The following SGSM1 variants were observed in gnomAD, a reference collection of about 807,000 sequenced individuals.
SGSM1 encodes the protein RUN and TBC1 domain containing 2.
A neutral mutation model predicts 133.8 loss-of-function variants in SGSM1; 73 were observed. The observed-to-expected ratio is 0.55, with a 90% confidence interval of 0.45 to 0.66. The LOEUF (loss-of-function observed/expected upper bound fraction) is 0.66, where lower values mean the gene tolerates loss of function less well. Among genes scored for constraint, SGSM1 ranks in the 30% least tolerant of loss-of-function variants. The pLI is 0.00. For synonymous variants in SGSM1, 563 were observed against 573.0 expected (o/e 0.98, Z 0.25); for missense variants, 1,213 against 1,448.1 (o/e 0.84, Z 2.64).
intron 15 of SGSM1, among the ~76,000 whole-genome samples, chr22:24,885,054 A>G (rs541939319): frequency 6.6e-6 from 1 of 152,166 alleles, no homozygotes; most frequent in Admixed American, 6.6e-5. Flanking sequence ...GGTTCAAGCA[A>G]TTCTCCTGCC....
chr22:24,883,956 A>G, intron 14 of SGSM1, 97 bp from the exon 15 acceptor site: 1 of 1,406,958 alleles, frequency 7.1e-7, no homozygotes, highest in Non-Finnish European at 9.3e-7. Flanking sequence ...AAAAATTTTA[A>G]AAAATTTGAG....
intron 19 of SGSM1, among the ~76,000 whole-genome samples, chr22:24,901,610 T>C (rs371418425): frequency 8.5e-5 from 13 of 152,232 alleles, no homozygotes; most frequent in African/African-American, 2.9e-4. Context: ...CTTCCAGCTA[T>C]AGTTGTAACT....
At chr22:24,893,988 G>T (rs1932861421) in intron 17 of SGSM1, among the ~76,000 whole-genome samples, 1 of 152,208 alleles carries the variant, frequency 6.6e-6, no homozygotes, top group African/African-American at 2.4e-5. Flanking sequence ...TCTACTATGT[G>T]CAGGTACTAT....
intron 2 of SGSM1, among the ~76,000 whole-genome samples, chr22:24,817,049 C>T (rs531306748): frequency 9.9e-5 from 15 of 152,154 alleles, no homozygotes; most frequent in East Asian, 7.7e-4. Flanking sequence ...AGTAAGGAAA[C>T]GGACACCAGA....
At position 24,926,857 on chromosome 22, in the gene SGSM1, TTTG is replaced by T. The variant is rs1934225718; in HGVS notation, c.*2585_*2587del. ...AGAGAAATATGTGAATCTGTTTTTT[TTTG>T]TCTTTTTTTTTTTAATTTGAAAGAA... On this transcript the variant is annotated 3_prime_UTR_variant, in exon 25 of 25. Transcript: ENST00000400358. 6.6e-6 allele frequency: 1 copy of T among 152,048 alleles called. No homozygotes were observed. The allele number at this position is 152,048 out of a possible 1,614,324, so 9.4% of individuals were successfully genotyped here. A position where few individuals can be genotyped will look rare whatever the true frequency, so the allele number is the denominator to read the frequency against.
intron 19 of SGSM1, among the ~76,000 whole-genome samples, chr22:24,899,720 A>G (rs1933060883): frequency 6.6e-6 from 1 of 151,482 alleles, no homozygotes; most frequent in African/African-American, 2.4e-5. Context: ...ATAGGGTTTC[A>G]CCGGGTTGGC....
At chr22:24,901,057 CT>C (rs992048816) in intron 19 of SGSM1, 5 of 152,202 alleles carry the variant, frequency 3.3e-5, no homozygotes, top group Non-Finnish European at 5.9e-5. Flanking sequence ...ACAAACCTGA[CT>C]TGTGGCTCTT....
intron 13 of SGSM1, 47 bp from the exon 14 acceptor site, chr22:24,879,415 C>T (rs756441536): frequency 2.1e-5 from 33 of 1,592,144 alleles, no homozygotes; most frequent in Non-Finnish European, 2.8e-5. Flanking sequence ...AAAATCTGGG[C>T]TGTGTTTGGA....
rs545498345 is a variant in SGSM1 at position 24,905,894 on chromosome 22, A to G, written c.2818+707A>G. On this transcript the variant is annotated intron_variant, in intron 21 of 24. Transcript: ENST00000400358. Reference sequence around the variant, plus strand: ...GGAATGCTTCTTAACTCATTCAATAAAGCCAGACCTCATATGAGGACTGGG... The same window carrying G: ...GGAATGCTTCTTAACTCATTCAATAGAGCCAGACCTCATATGAGGACTGGG... Among the ~76,000 whole-genome samples, 6 of 152,266 alleles carry G rather than the reference A, an allele frequency of 3.9e-5. No homozygotes were observed. In the East Asian group the frequency reaches 1.2e-3, roughly 29 times the overall value.
chr22:24,850,256 T>C (rs1569146845), intron 4 of SGSM1, 24 bp from the exon 5 acceptor site: 2 of 1,559,914 alleles, frequency 1.3e-6, no homozygotes, highest in Admixed American at 3.9e-5. Flanking sequence ...GAGTATCTAT[T>C]CCCGTCTTTT....
intron 3 of SGSM1, among the ~76,000 whole-genome samples, chr22:24,846,103 A>T (rs1240014566): frequency 6.7e-6 from 1 of 148,466 alleles, no homozygotes; most frequent in Admixed American, 6.8e-5. Context: ...CAGTGGCACA[A>T]TCACAGCTCA....
chr22:24,876,695 C>T lies in SGSM1; in HGVS notation c.1410C>T (p.Thr470=). 2 of 1,613,954 alleles carry T rather than the reference C, an allele frequency of 1.2e-6. No homozygotes were observed. The highest frequency in any genetic ancestry group is 1.1e-5 in the South Asian group (1 of 91,072). ...GTGGCTCGGCTGATGGTAGCTCGAC[C>T]AATGGCTGCAACCATGAGAGGTATG... is the stretch of plus-strand genomic sequence containing the variant. ...SQSGSADGSS[T]NGCNHERAPL... Residue 470 remains threonine, a synonymous_variant, in exon 13 of 25, where the codon ACC becomes ACT. Coordinates refer to ENST00000400358, the MANE Select transcript of SGSM1 (RefSeq NM_001098497.3).
rs114506467 is a variant in SGSM1, at chr22:24,829,318, G to A, written c.64-15579G>A. Among the ~76,000 whole-genome samples the A allele has an allele frequency of 3.1e-3, 467 of 152,198 alleles. 3 individuals are homozygous for A. The highest frequency in any genetic ancestry group is 0.011 in the African/African-American group (447 of 41,518). Reference sequence around the variant, plus strand: ...ATACCACATGTTTTCACTTATAAATGAGAGCTAAATGATGAGAACGTATGG... The same window carrying A: ...ATACCACATGTTTTCACTTATAAATAAGAGCTAAATGATGAGAACGTATGG... On this transcript the variant is annotated intron_variant, in intron 2 of 24. Transcript: ENST00000400358.
Position 24,844,576 on chromosome 22 carries a change from A to G in SGSM1, c.64-321A>G, listed in dbSNP as rs530880985. The G allele has an allele frequency of 2.8e-5, 7 of 246,048 alleles. No individual in the cohort carries two copies. The East Asian group carries it at 4.1e-4, about 15-fold the overall frequency. 15.2% of individuals were successfully genotyped at this position (246,048 alleles called of 1,614,324 possible). On this transcript the variant is annotated intron_variant, in intron 2 of 24. Transcript: ENST00000400358. ...GTGAGTGCCCTACAGGAACTAAAAC[A>G]GGGGATGGGAGTGGGGAGGGGTCTG...
intron 13 of SGSM1, among the ~76,000 whole-genome samples, 160 bp from the exon 14 acceptor site, chr22:24,879,302 A>G (rs1330155081): frequency 6.6e-6 from 1 of 152,186 alleles, no homozygotes; most frequent in Non-Finnish European, 1.5e-5. Context: ...AGAAGAGGCA[A>G]TGATGCTGTA....
intron 2 of SGSM1, among the ~76,000 whole-genome samples, chr22:24,828,508 A>C (rs1928920721): frequency 6.6e-6 from 1 of 152,240 alleles, no homozygotes; most frequent in Non-Finnish European, 1.5e-5. Flanking sequence ...GCACATGAAA[A>C]AAAGCTCAAC....
At chr22:24,889,713 G>A (rs1376360714) in intron 16 of SGSM1, among the ~76,000 whole-genome samples, 1 of 149,042 alleles carries the variant, frequency 6.7e-6, no homozygotes, top group African/African-American at 2.5e-5. Flanking sequence ...GCAGTGGCGC[G>A]ATCTCGGCTC....
intron 17 of SGSM1, 97 bp from the exon 18 acceptor site, chr22:24,895,126 T>A: frequency 8.3e-7 from 1 of 1,210,716 alleles, no homozygotes; most frequent in East Asian, 2.6e-5. Flanking sequence ...GGAATAGAGA[T>A]GCAACTAGAC....
chr22:24,845,959 TTC>T (rs1555924268), intron 3 of SGSM1, among the ~76,000 whole-genome samples: 3 of 104,960 alleles, frequency 2.9e-5, no homozygotes, highest in Non-Finnish European at 4.2e-5. Context: ...CTTTCTTTCT[TTC>T]TTTCTTTCTT....
Sources: gnomAD v4.1 joint callset for allele counts (sites outside exome capture counted in the v4.1 genomes callset) on GRCh38, gnomAD v4.1.1 for gene constraint, MANE v1.5 for transcripts, NCBI Gene and HGNC (gene_info 2026-07-23, HGNC 2026-07-21) for gene names.